LHFPL3: variants seen among roughly 807,000 people sequenced by gnomAD.
LHFPL3 encodes LHFPL tetraspan subfamily member 3.
In LHFPL3, 5 loss-of-function variants were observed where a neutral mutation model predicts 19.3. That is an observed-to-expected ratio of 0.26 (90% CI 0.14 to 0.54). The LOEUF is 0.54. Ranked by LOEUF, LHFPL3 falls within the 20% of genes least tolerant of loss-of-function variation. The probability of loss-of-function intolerance (pLI) is 0.94; values close to 1 mark genes in which losing one functional copy is unlikely to be tolerated. For synonymous variants in LHFPL3, 133 were observed against 126.2 expected (o/e 1.05, Z -0.36); for missense variants, 249 against 307.4 (o/e 0.81, Z 1.42).
intron 2 of LHFPL3, among the ~76,000 whole-genome samples, chr7:104,829,473 C>G (rs1790898151): frequency 6.6e-6 from 1 of 151,772 alleles, no homozygotes; most frequent in Non-Finnish European, 1.5e-5. Context: ...AATGCTATCC[C>G]TCCCCCATCC....
intron 1 of LHFPL3, among the ~76,000 whole-genome samples, chr7:104,587,785 T>A (rs1790611778): frequency 6.6e-6 from 1 of 152,006 alleles, no homozygotes; most frequent in African/African-American, 2.4e-5. Flanking sequence ...GCACCTGTTG[T>A]TTCCTGACTT....
chr7:104,637,758 G>A (rs185100785), intron 1 of LHFPL3, among the ~76,000 whole-genome samples: 1 of 146,956 alleles, frequency 6.8e-6, no homozygotes, highest in Non-Finnish European at 1.5e-5. Context: ...TTTTGTACCA[G>A]TATCATGCTG....
At chr7:104,452,862 G>A (rs1418139964) in intron 1 of LHFPL3, among the ~76,000 whole-genome samples, 2 of 152,138 alleles carry the variant, frequency 1.3e-5, no homozygotes, top group Admixed American at 6.6e-5. Flanking sequence ...CATCAATAAA[G>A]CACTGGTAAA....
intron 2 of LHFPL3, among the ~76,000 whole-genome samples, chr7:104,782,304 G>A (rs1789822814): frequency 1.3e-5 from 2 of 152,180 alleles, no homozygotes; most frequent in Admixed American, 1.3e-4. Context: ...CCAAGAGAAA[G>A]GAAAAGAAGC....
chr7:104,828,359 A>C (rs1316143249), intron 2 of LHFPL3, among the ~76,000 whole-genome samples: 1 of 151,936 alleles, frequency 6.6e-6, no homozygotes, highest in East Asian at 1.9e-4. Context: ...CACTGAATTC[A>C]CAAGAAAAAA....
chr7:104,803,137 A>G (rs1790287609), intron 2 of LHFPL3, among the ~76,000 whole-genome samples: 1 of 152,128 alleles, frequency 6.6e-6, no homozygotes, highest in Non-Finnish European at 1.5e-5. Context: ...CACTTCACTA[A>G]TCTTTGCACT....
intron 1 of LHFPL3, among the ~76,000 whole-genome samples, chr7:104,367,044 A>G (rs1284090712): frequency 6.6e-6 from 1 of 152,176 alleles, no homozygotes; most frequent in Non-Finnish European, 1.5e-5. Context: ...TTCTAAATGT[A>G]GTAAAGTCCG....
At chr7:104,465,103 G>A (rs1448839255) in intron 1 of LHFPL3, among the ~76,000 whole-genome samples, 1 of 151,818 alleles carries the variant, frequency 6.6e-6, no homozygotes, top group East Asian at 1.9e-4. Context: ...CAGTCTTTTT[G>A]CATAGCAAGA....
intron 1 of LHFPL3, among the ~76,000 whole-genome samples, chr7:104,723,289 A>G (rs1261814819): frequency 6.6e-6 from 1 of 152,146 alleles, no homozygotes; most frequent in Non-Finnish European, 1.5e-5. Context: ...AGATACCTAA[A>G]ATTGAAATCA....
At chr7:104,736,957 A>G (rs1373972634) in intron 2 of LHFPL3, 46 bp downstream of exon 2, 16 of 1,435,766 alleles carry the variant, frequency 1.1e-5, no homozygotes, top group African/African-American at 1.4e-5. Flanking sequence ...TCAAGCACAA[A>G]AAAATGGTGC....
intron 1 of LHFPL3, among the ~76,000 whole-genome samples, chr7:104,535,699 T>C (rs1794377412): frequency 6.6e-6 from 1 of 152,096 alleles, no homozygotes; most frequent in African/African-American, 2.4e-5. Flanking sequence ...AGGATGTGCA[T>C]ACAGACCAGG....
At chr7:104,813,475 G>A (rs1790512898) in intron 2 of LHFPL3, among the ~76,000 whole-genome samples, 1 of 152,202 alleles carries the variant, frequency 6.6e-6, no homozygotes, top group Non-Finnish European at 1.5e-5. Context: ...CTTTGCCTGA[G>A]TTTTGCTTGT....
chr7:104,901,569 G>GTTTTTTTA (rs1792485385), intron 2 of LHFPL3, among the ~76,000 whole-genome samples: 1 of 151,820 alleles, frequency 6.6e-6, no homozygotes, highest in Non-Finnish European at 1.5e-5. Context: ...TTGTTTTTTT[G>GTTTTTTTA]TTTGTTTGCT....
intron 1 of LHFPL3, among the ~76,000 whole-genome samples, chr7:104,383,784 CT>C (rs1474316011): frequency 6.6e-6 from 1 of 151,690 alleles, no homozygotes; most frequent in Non-Finnish European, 1.5e-5. Flanking sequence ...TTTTTTCTTC[CT>C]TTGCCTTGTT....
chr7:104,707,926 A>G lies in LHFPL3; in HGVS notation c.446-28749A>G, dbSNP rs138022430. Among the ~76,000 whole-genome samples the G allele has an allele frequency of 1.3e-4, 20 of 152,342 alleles. No homozygotes were observed. The East Asian group carries it at 3.9e-3, about 29-fold the overall frequency. ...AAAACAAAAGTAGTCTAAAACCATT[A>G]AATGATGCTCAACTACATAAATGCT... On this transcript the variant is annotated intron_variant, in intron 1 of 2. Transcript: ENST00000424859.
chr7:104,396,726 G>C lies in LHFPL3; in HGVS notation c.445+67502G>C, dbSNP rs969188206. On this transcript the variant is annotated intron_variant, in intron 1 of 2. Transcript: ENST00000424859. Reference sequence around the variant, plus strand: ...CATCCCTGCACTTTAGGAGGCTGAGGTGGGCAGATTGCTCGAGCTCAGGAG... The same window carrying C: ...CATCCCTGCACTTTAGGAGGCTGAGCTGGGCAGATTGCTCGAGCTCAGGAG... Among the ~76,000 whole-genome samples, 3 of 151,926 alleles carry C rather than the reference G, an allele frequency of 2.0e-5. No individual in the cohort carries two copies. In the East Asian group the frequency reaches 5.8e-4, roughly 29 times the overall value.
intron 1 of LHFPL3, among the ~76,000 whole-genome samples, chr7:104,617,704 G>A (rs1426050939): frequency 6.6e-6 from 1 of 152,114 alleles, no homozygotes; most frequent in Non-Finnish European, 1.5e-5. Context: ...ACTTCATATA[G>A]CCCAAAGCTC....
intron 1 of LHFPL3, among the ~76,000 whole-genome samples, chr7:104,429,594 G>T (rs1791916873): frequency 6.6e-6 from 1 of 151,834 alleles, no homozygotes; most frequent in Non-Finnish European, 1.5e-5. Context: ...GGGATTACAG[G>T]CATGAGCCAC....
chr7:104,734,598 GT>G (rs1793769620), intron 1 of LHFPL3, among the ~76,000 whole-genome samples: 1 of 152,242 alleles, frequency 6.6e-6, no homozygotes, highest in African/African-American at 2.4e-5. Context: ...CTCTGCATTG[GT>G]TATTCTAGTT....
Sources: allele counts gnomAD v4.1 joint callset (sites outside exome capture counted in the v4.1 genomes callset), GRCh38; gene constraint gnomAD v4.1.1; transcripts MANE v1.5; gene names NCBI Gene and HGNC (gene_info 2026-07-23, HGNC 2026-07-21).